Variants in CHN2 observed in about 807,000 individuals in gnomAD.
CHN2 encodes chimerin 2.
A neutral mutation model predicts 56.3 loss-of-function variants in CHN2; 35 were observed. The observed-to-expected ratio is 0.62, with a 90% confidence interval of 0.47 to 0.82. The LOEUF (loss-of-function observed/expected upper bound fraction) is 0.82, where lower values mean the gene tolerates loss of function less well. Among genes scored for constraint, CHN2 ranks in the 40% least tolerant of loss-of-function variants. The pLI is 0.00. For missense variants in CHN2, 491 were observed against 580.5 expected (o/e 0.85, Z 1.58); for synonymous variants, 210 against 212.8 (o/e 0.99, Z 0.12).
At chr7:29,437,818 T>C (rs112802017) in intron 6 of CHN2, among the ~76,000 whole-genome samples, 5 of 152,212 alleles carry the variant, frequency 3.3e-5, no homozygotes, top group Middle Eastern at 3.4e-3. Flanking sequence ...TATTATATCA[T>C]TTATATTTAA....
rs925597808 is a variant in CHN2 at position 29,364,418 on chromosome 7, C to G, written c.89-3514C>G. Among the ~76,000 whole-genome samples, 13 of 152,330 alleles carry G rather than the reference C, an allele frequency of 8.5e-5. No homozygotes were observed. The South Asian group carries it at 1.9e-3, about 22-fold the overall frequency. On this transcript the variant is annotated intron_variant, in intron 2 of 12. Coordinates refer to ENST00000222792, the MANE Select transcript of CHN2 (RefSeq NM_004067.4). ...AATGGTATTCACAAAGCCATTTCAA[C>G]CATATATCACTGTTGGCTTCAAGAG...
intron 8 of CHN2, among the ~76,000 whole-genome samples, chr7:29,498,258 C>T (rs1789513954): frequency 6.6e-6 from 1 of 152,188 alleles, no homozygotes; most frequent in Non-Finnish European, 1.5e-5. Context: ...TTTATTTGAG[C>T]CTCATGGCTA....
At chr7:29,207,739 C>T (rs570502766) in intron 1 of CHN2, among the ~76,000 whole-genome samples, 6 of 152,268 alleles carry the variant, frequency 3.9e-5, no homozygotes, top group African/African-American at 7.2e-5. Flanking sequence ...CTTGTACAGA[C>T]GTTTCCAAGG....
chr7:29,172,621 A>G (rs1796749108), intron 2 of CHN2, among the ~76,000 whole-genome samples: 1 of 152,234 alleles, frequency 6.6e-6, no homozygotes, highest in Non-Finnish European at 1.5e-5. Flanking sequence ...AAAGCTTAGT[A>G]AAGTCCATCT....
chr7:29,482,357 CA>C (rs1787346323), intron 7 of CHN2, among the ~76,000 whole-genome samples: 1 of 152,198 alleles, frequency 6.6e-6, no homozygotes. Context: ...GAATGAGTGG[CA>C]GGGGCCAGAT....
intron 6 of CHN2, among the ~76,000 whole-genome samples, chr7:29,419,423 C>A (rs566658650): frequency 6.6e-6 from 1 of 152,162 alleles, no homozygotes; most frequent in South Asian, 2.1e-4. Context: ...TTGGGGCTGG[C>A]AGTGATTTCT....
intron 1 of CHN2, among the ~76,000 whole-genome samples, chr7:29,257,529 G>T (rs903688836): frequency 1.3e-5 from 2 of 152,086 alleles, no homozygotes; most frequent in Non-Finnish European, 2.9e-5. Flanking sequence ...CAGCACCTAG[G>T]TTACAGCTCT....
chr7:29,394,180 T>C (rs1801562397), intron 4 of CHN2, among the ~76,000 whole-genome samples: 1 of 152,226 alleles, frequency 6.6e-6, no homozygotes. Flanking sequence ...ATCTCTTGGC[T>C]CGGGTGTAGT....
At chr7:29,252,591 T>TTTTTTTTTTTG in intron 1 of CHN2, among the ~76,000 whole-genome samples, 1 of 25,102 alleles carries the variant, frequency 4.0e-5, no homozygotes. Context: ...TTTTTTTTTT[T>TTTTTTTTTTTG]TTTTTTTTTT....
intron 1 of CHN2, among the ~76,000 whole-genome samples, chr7:29,280,986 C>G (rs758912581): frequency 6.6e-6 from 1 of 152,168 alleles, no homozygotes; most frequent in South Asian, 2.1e-4. Flanking sequence ...ATCTCAGCTA[C>G]TCAGGAGGCT....
At chr7:29,282,487 T>C (rs932156747) in intron 1 of CHN2, among the ~76,000 whole-genome samples, 21 of 152,238 alleles carry the variant, frequency 1.4e-4, no homozygotes, top group African/African-American at 5.1e-4. Flanking sequence ...CAGGGATGAT[T>C]CACTTTGCAC....
At chr7:29,314,089 G>T (rs974047758) in intron 1 of CHN2, among the ~76,000 whole-genome samples, 2 of 152,182 alleles carry the variant, frequency 1.3e-5, no homozygotes, top group African/African-American at 4.8e-5. Context: ...AAATTTCCAA[G>T]AGATATTTGT....
chr7:29,263,998 G>A (rs944155139), intron 1 of CHN2, among the ~76,000 whole-genome samples: 2 of 121,350 alleles, frequency 1.6e-5, no homozygotes, highest in African/African-American at 4.1e-5. Context: ...CCAGCCAGCC[G>A]CCCCATCCGG....
At position 29,265,421 on chromosome 7, in the gene CHN2, C is replaced by T. The variant is rs79181044; in HGVS notation, c.49+70431C>T. Among the ~76,000 whole-genome samples, 1,156 of 152,330 alleles carry T rather than the reference C, an allele frequency of 7.6e-3. 14 individuals carry two copies. The highest frequency in any genetic ancestry group is 0.026 in the African/African-American group (1,064 of 41,562). On this transcript the variant is annotated intron_variant, in intron 1 of 12. Transcript: ENST00000222792. ...CCACTCTCTTGAAACCTCTGGAAACCTCGTGCTCTTTTGAGTTTGACTTCT... is the reference window on the plus strand; with the variant it reads ...CCACTCTCTTGAAACCTCTGGAAACTTCGTGCTCTTTTGAGTTTGACTTCT...
chr7:29,244,344 C>G (rs554782124), intron 1 of CHN2, among the ~76,000 whole-genome samples: 1 of 152,324 alleles, frequency 6.6e-6, no homozygotes, highest in African/African-American at 2.4e-5. Flanking sequence ...ACCTCCCACA[C>G]AGAGGGATGC....
rs373725937 is a variant in CHN2 at position 29,423,467 on chromosome 7, C to G, written c.576+22639C>G. Among the ~76,000 whole-genome samples the G allele has an allele frequency of 2.6e-5, 4 of 152,318 alleles. No homozygotes were observed. The East Asian group carries it at 7.7e-4, about 29-fold the overall frequency. The stretch of plus-strand genomic sequence containing the variant: ...GCCACACTTCAGAATTCCCTGGGGT[C>G]AGCTGGGGTTTTTGTTGAGACTGCC... On this transcript the variant is annotated intron_variant, in intron 6 of 12. Coordinates refer to ENST00000222792, the MANE Select transcript of CHN2 (RefSeq NM_004067.4).
intron 1 of CHN2, among the ~76,000 whole-genome samples, chr7:29,347,095 A>G (rs1797504935): frequency 6.6e-6 from 1 of 152,030 alleles, no homozygotes; most frequent in South Asian, 2.1e-4. Flanking sequence ...GAGTTTTCTA[A>G]CTGAGTCTTA....
intron 6 of CHN2, among the ~76,000 whole-genome samples, chr7:29,458,261 T>C (rs2128135553): frequency 6.6e-6 from 1 of 152,200 alleles, no homozygotes; most frequent in Non-Finnish European, 1.5e-5. Context: ...ATTCTAAAAC[T>C]AGTGGGATAT....
At chr7:29,471,478 A>G (rs1786028847) in intron 6 of CHN2, among the ~76,000 whole-genome samples, 1 of 152,214 alleles carries the variant, frequency 6.6e-6, no homozygotes, top group South Asian at 2.1e-4. Flanking sequence ...CAACCCAGGA[A>G]GCATCAGGTT....
Sources: allele counts gnomAD v4.1 joint callset (sites outside exome capture counted in the v4.1 genomes callset), GRCh38; gene constraint gnomAD v4.1.1; transcripts MANE v1.5; gene names NCBI Gene and HGNC (gene_info 2026-07-23, HGNC 2026-07-21).